The following CPXM2 variants were observed in gnomAD, a reference collection of about 807,000 sequenced individuals.
CPXM2 encodes the protein inactive carboxypeptidase-like protein X2.
Under a neutral mutation model 86.1 loss-of-function variants are expected in CPXM2, and 66 were observed. That is an observed-to-expected ratio of 0.77 (90% CI 0.63 to 0.94). CPXM2 has a LOEUF of 0.94. Ranked by LOEUF, CPXM2 falls within the 40% of genes least tolerant of loss-of-function variation. The pLI is 0.00. For missense variants in CPXM2, 948 were observed against 1,026.3 expected, an observed-to-expected ratio of 0.92 and a Z score of 1.04; for synonymous variants, 388 against 400.2, an observed-to-expected ratio of 0.97 and a Z score of 0.36.
chr10:123,878,386 T>C (rs1264413752), intron 2 of CPXM2, among the ~76,000 whole-genome samples: 1 of 146,120 alleles, frequency 6.8e-6, no homozygotes, highest in Admixed American at 7.2e-5. Flanking sequence ...AGAGCCGTGA[T>C]GGCTGCCTAT....
In CPXM2 at chr10:123,798,376, G is replaced by A. The variant is rs140678620; in HGVS notation, c.739-250C>T. The stretch of plus-strand genomic sequence containing the variant: ...TGTAGAAAAAATCTATCGGTGTCAC[G>A]GCAAAAGGACAACTAGAGAGCTTTG... On this transcript the variant is annotated intron_variant, in intron 5 of 13. Transcript: ENST00000241305. Among the ~76,000 whole-genome samples, 60 of 152,196 alleles carry A rather than the reference G, an allele frequency of 3.9e-4. 1 individual carries two copies. The East Asian group carries it at 6.2e-3, about 16-fold the overall frequency.
chr10:123,847,475 G>A (rs1343775283), intron 3 of CPXM2, among the ~76,000 whole-genome samples: 5 of 151,940 alleles, frequency 3.3e-5, no homozygotes, highest in African/African-American at 7.3e-5. Context: ...GCAGTGAGCC[G>A]AGATGGCACC....
intron 13 of CPXM2, among the ~76,000 whole-genome samples, chr10:123,747,589 T>C (rs2114676): frequency 0.41 from 61,750 of 151,918 alleles, 13,423 homozygotes; most frequent in African/African-American, 0.56. Flanking sequence ...ATGGACGCTG[T>C]GGGGCAGAGG....
chr10:123,748,931 G>A (rs900858059), intron 13 of CPXM2, among the ~76,000 whole-genome samples: 7 of 152,038 alleles, frequency 4.6e-5, no homozygotes, highest in East Asian at 3.9e-4. Flanking sequence ...TTCCTGCCTC[G>A]GCCCGGTGTT....
chr10:123,877,304 CT>C (rs1252158094), intron 2 of CPXM2, among the ~76,000 whole-genome samples: 2 of 152,160 alleles, frequency 1.3e-5, no homozygotes, highest in Admixed American at 6.5e-5. Context: ...GTCATGTAAC[CT>C]TTGAAAAAAC....
chr10:123,861,461 G>A (rs117030963), intron 3 of CPXM2, among the ~76,000 whole-genome samples: 3 of 152,168 alleles, frequency 2.0e-5, no homozygotes, highest in South Asian at 2.1e-4. Context: ...AGATGTCCAC[G>A]CTCTAATCCG....
intron 2 of CPXM2, among the ~76,000 whole-genome samples, chr10:123,925,321 G>A (rs955119314): frequency 2.0e-5 from 3 of 152,072 alleles, no homozygotes; most frequent in African/African-American, 7.2e-5. Flanking sequence ...CAAGTTTCCA[G>A]ACCTCATTAA....
upstream of CPXM2, among the ~76,000 whole-genome samples, chr10:123,893,562 A>G (rs1945307069): frequency 6.6e-6 from 1 of 152,166 alleles, no homozygotes; most frequent in Admixed American, 6.5e-5. Flanking sequence ...TCAAACCCCC[A>G]GGACGCTCTG....
intron 4 of CPXM2, among the ~76,000 whole-genome samples, chr10:123,837,223 C>T (rs1469974886): frequency 1.3e-5 from 2 of 152,202 alleles, no homozygotes; most frequent in Admixed American, 6.5e-5. Context: ...TGAGCCTCCC[C>T]GTCCTTGTGC....
chr10:123,750,636 T>C (rs1846051763), intron 13 of CPXM2: 1 of 965,592 alleles, frequency 1.0e-6, no homozygotes, highest in African/African-American at 1.8e-5. Flanking sequence ...TGTGTACTTT[T>C]AGAGGTCATA....
At chr10:123,863,531 A>G (rs1415217041) in intron 2 of CPXM2, among the ~76,000 whole-genome samples, 3 of 152,146 alleles carry the variant, frequency 2.0e-5, no homozygotes, top group Non-Finnish European at 1.5e-5. Context: ...CACACCTTCC[A>G]GGCCTGAAGG....
Position 123,865,211 on chromosome 10 carries a change from A to AT in CPXM2, c.404-2489dup, listed in dbSNP as rs1848950522. Among the ~76,000 whole-genome samples, 1 of 152,136 alleles carries AT rather than the reference A, an allele frequency of 6.6e-6. No individual in the cohort carries two copies. The highest frequency in any genetic ancestry group is 1.5e-5 in the Non-Finnish European group (1 of 68,020). On this transcript the variant is annotated intron_variant, in intron 2 of 13. Coordinates refer to ENST00000241305, the MANE Select transcript of CPXM2 (RefSeq NM_198148.3). The surrounding 1 kb of genome is among the most constrained non-coding windows in gnomAD (Gnocchi z 4.7). ...AGGAACCCAATGCTCTGACACTGGG[A>AT]TTTTTTGTCCTTATTAGAAGATGCT...
At chr10:123,930,278 A>G (rs945207246) in intron 2 of CPXM2, among the ~76,000 whole-genome samples, 4 of 152,186 alleles carry the variant, frequency 2.6e-5, no homozygotes, top group African/African-American at 9.7e-5. Flanking sequence ...CCCTGCTTCA[A>G]AGTTACTCTT....
At chr10:123,819,732 T>C (rs569102706) in intron 4 of CPXM2, among the ~76,000 whole-genome samples, 36 of 152,338 alleles carry the variant, frequency 2.4e-4, no homozygotes, top group African/African-American at 8.4e-4. Context: ...ATTATTGTCT[T>C]TATTTGAAGA....
intron 2 of CPXM2, among the ~76,000 whole-genome samples, chr10:123,868,140 G>T (rs1944827705): frequency 6.6e-6 from 1 of 152,186 alleles, no homozygotes; most frequent in South Asian, 2.1e-4. Context: ...GCCCCACCCT[G>T]GGCTGGCAAA....
In CPXM2 at chr10:123,859,590, C is replaced by T. The variant is rs369260501; in HGVS notation, c.513+3024G>A. Reference sequence around the variant, plus strand: ...GGTCAGAGCCAGAGGCTGGGGATGGCGGGCCCAGATTTGGCTATTAAAGCA... The same window carrying T: ...GGTCAGAGCCAGAGGCTGGGGATGGTGGGCCCAGATTTGGCTATTAAAGCA... On this transcript the variant is annotated intron_variant, in intron 3 of 13. Transcript: ENST00000241305. Among the ~76,000 whole-genome samples the T allele has an allele frequency of 1.4e-4, 21 of 152,326 alleles. No homozygotes were observed. The East Asian group carries it at 3.5e-3, about 25-fold the overall frequency.
intron 11 of CPXM2, among the ~76,000 whole-genome samples, chr10:123,759,254 A>G (rs530737757): frequency 6.6e-6 from 1 of 152,292 alleles, no homozygotes; most frequent in South Asian, 2.1e-4. Flanking sequence ...GCAACAAACC[A>G]CCAGGGAGCA....
chr10:123,876,224 T>C lies in CPXM2; in HGVS notation c.403+3987A>G, dbSNP rs528432115. On this transcript the variant is annotated intron_variant, in intron 2 of 13. Coordinates refer to ENST00000241305, the MANE Select transcript of CPXM2 (RefSeq NM_198148.3). ...GTCATAGAGAACCCACCTGAGCATA[T>C]GTAGAGCACCTGTTCTGTTCACCAT... Among the ~76,000 whole-genome samples, 5 of 152,264 alleles carry C rather than the reference T, an allele frequency of 3.3e-5. No homozygotes were observed. In the East Asian group the frequency reaches 5.8e-4, roughly 18 times the overall value.
chr10:123,904,014 CTT>C (rs1945409435), intron 2 of CPXM2, among the ~76,000 whole-genome samples: 1 of 152,232 alleles, frequency 6.6e-6, no homozygotes, highest in Non-Finnish European at 1.5e-5. Context: ...TCAGCTCCCT[CTT>C]TGGAGAAAAA....
Sources: allele counts gnomAD v4.1 joint callset (sites outside exome capture counted in the v4.1 genomes callset), GRCh38; gene constraint gnomAD v4.1.1; non-coding constraint Gnocchi (gnomAD v3.1); transcripts MANE v1.5; gene names NCBI Gene and HGNC (gene_info 2026-07-23, HGNC 2026-07-21).